PRAG1: variants seen among roughly 807,000 people sequenced by gnomAD.
The protein encoded by PRAG1 is inactive tyrosine-protein kinase PRAG1.
PRAG1 carries 110 observed loss-of-function variants against 95.6 expected under a neutral mutation model. The ratio of observed to expected loss-of-function variants is 1.15; its 90% CI spans 0.99 to 1.35. The LOEUF (loss-of-function observed/expected upper bound fraction) is 1.35. Among genes scored for constraint, PRAG1 ranks in the 40% most tolerant of loss-of-function variants. The pLI is 0.00. For missense variants in PRAG1, 2,554 were observed against 1,864.7 expected, an observed-to-expected ratio of 1.37 and a Z score of -6.81; for synonymous variants, 1,052 against 819.4, an observed-to-expected ratio of 1.28 and a Z score of -4.85.
chr8:8,372,057 C>A (rs62496032), intron 3 of PRAG1, among the ~76,000 whole-genome samples: 6,526 of 152,276 alleles, frequency 0.043, 196 homozygotes, highest in Non-Finnish European at 0.066. Flanking sequence ...CTTGGTGAAA[C>A]GCTTATCTGC....
chr8:8,337,529 G>C (rs758643102), intron 4 of PRAG1, among the ~76,000 whole-genome samples: 19 of 152,118 alleles, frequency 1.2e-4, no homozygotes, highest in Admixed American at 5.9e-4. Flanking sequence ...TTGGTCTCTT[G>C]CCAGTTTCAA....
intron 3 of PRAG1, among the ~76,000 whole-genome samples, chr8:8,359,514 C>T (rs1431361183): frequency 1.3e-5 from 2 of 152,144 alleles, no homozygotes; most frequent in Non-Finnish European, 2.9e-5. Context: ...TGATTGATAG[C>T]TCTAAGGTCT....
Position 8,376,382 on chromosome 8 carries a change from G to T in PRAG1, c.2027C>A (p.Pro676His), listed in dbSNP as rs1800390925. ...GTTCTGCCCAGAGGAGCCATCTGTGGGGTGGAGACGGTGCCAGGTCGTGGA... is the reference window on the plus strand; with the variant it reads ...GTTCTGCCCAGAGGAGCCATCTGTGTGGTGGAGACGGTGCCAGGTCGTGGA... Reference protein sequence around the residue: ...SNSTTWHRLHPTDGSSGQNSK... With the variant: ...SNSTTWHRLHHTDGSSGQNSK... The change falls in exon 3 of 6, where the codon CCC becomes CAC. Residue 676 changes from proline (P) to histidine (H), a missense_variant. Physicochemically the swap from Pro to His is moderately conservative, Grantham distance 77 (BLOSUM62 -2). Coordinates refer to ENST00000615670, the MANE Select transcript of PRAG1 (RefSeq NM_001080826.3). 4 of 1,614,072 alleles carry T rather than the reference G, an allele frequency of 2.5e-6. No individual in the cohort carries two copies. In the African/African-American group the frequency reaches 5.3e-5, roughly 22 times the overall value.
chr8:8,330,967 C>T (rs116090351), intron 4 of PRAG1, among the ~76,000 whole-genome samples: 171 of 152,276 alleles, frequency 1.1e-3, no homozygotes, highest in African/African-American at 3.8e-3. Flanking sequence ...GACTGGGAGC[C>T]GTGAGCACAC....
chr8:8,378,869 GATAATTAATA>G (rs1398241967), intron 2 of PRAG1, among the ~76,000 whole-genome samples: 3 of 79,762 alleles, frequency 3.8e-5, no homozygotes, highest in South Asian at 7.6e-4. Context: ...CAAAAATAAT[GATAATTAATA>G]ATAATAATAA....
Position 8,318,578 on chromosome 8 carries a change from T to C in PRAG1, c.3797A>G (p.His1266Arg). The C allele has an allele frequency of 6.2e-7, 1 of 1,613,342 alleles. No homozygotes were observed. The highest frequency in any genetic ancestry group is 8.5e-7 in the Non-Finnish European group (1 of 1,179,896). The change falls in exon 6 of 6, where the codon CAC becomes CGC. Residue 1266 changes from histidine to arginine, a missense_variant. Coordinates refer to ENST00000615670, the MANE Select transcript of PRAG1 (RefSeq NM_001080826.3). This position sits in a 1 kb window ranked among gnomAD's most constrained non-coding sequence, Gnocchi z 4.2. ...QTGILIYELL[H>R]QPNPFEVRAQ... ...GCGCACCTCGAACGGGTTGGGTTGG[T>C]GCAGCAGCTCGTAGATGAGGATGCC...
In PRAG1 at chr8:8,327,847, T is replaced by C. The variant is rs770251251; in HGVS notation, c.2935A>G (p.Lys979Glu). The C allele has an allele frequency of 1.2e-6, 2 of 1,614,112 alleles. No homozygotes were observed. ...KCEDLFMGGQ[K>E]KELHFNENNW... ...TTCTCATTGAAGTGGAGCTCCTTTT[T>C]CTGGCCGCCCATGAAGAGGTCCTCA... The change falls in exon 5 of 6, where the codon AAA becomes GAA. Residue 979 changes from lysine to glutamate, a missense_variant. Coordinates refer to ENST00000615670, the MANE Select transcript of PRAG1 (RefSeq NM_001080826.3).
chr8:8,381,720 CG>C lies in PRAG1; in HGVS notation c.27del (p.Glu10ArgfsTer3). On this transcript the variant is annotated frameshift_variant, in exon 2 of 6. Transcript: ENST00000615670. LOFTEE classifies it high-confidence loss of function. ...CTGCACGCAGACATTTTCAGGCTCT[CG>C]GGGTTCAGGCAGAGGGTCTGGTGCA... MHQTLCLN[P>X]ESLKMSACSD... 1 of 1,601,152 alleles carries C rather than the reference CG, an allele frequency of 6.2e-7. No homozygotes were observed. The highest frequency in any genetic ancestry group is 8.5e-7 in the Non-Finnish European group (1 of 1,170,638).
intron 1 of PRAG1, among the ~76,000 whole-genome samples, chr8:8,384,072 G>T (rs976412754): frequency 6.6e-6 from 1 of 152,142 alleles, no homozygotes; most frequent in African/African-American, 2.4e-5. Context: ...TTGGAAACCA[G>T]CTCTGTGTGG....
Position 8,377,410 on chromosome 8 carries a change from C to T in PRAG1, c.999G>A (p.Glu333=). Residue 333 remains glutamate, a synonymous_variant, in exon 3 of 6, where the codon GAG becomes GAA. Coordinates refer to ENST00000615670, the MANE Select transcript of PRAG1 (RefSeq NM_001080826.3). The stretch of plus-strand genomic sequence containing the variant: ...AGAGGCCGTCGGAAGAAATGGCAGC[C>T]TCCGAGGTGAGGGACAGTTTCTTGG... The part of the protein sequence containing the change: ...LGPKKLSLTS[E]AAISSDGLSC... The T allele has an allele frequency of 6.4e-7, 1 of 1,573,738 alleles. No homozygotes were observed. Among genetic ancestry groups the T allele is most frequent in the Non-Finnish European group, 8.6e-7 (1 of 1,161,306 alleles).
chr8:8,363,112 T>C (rs1006985020), intron 3 of PRAG1, among the ~76,000 whole-genome samples: 6 of 148,582 alleles, frequency 4.0e-5, no homozygotes, highest in Non-Finnish European at 8.9e-5. Context: ...TATATACTTA[T>C]ATATAATATA....
At chr8:8,378,159 G>C in intron 2 of PRAG1, 81 bp from the exon 3 acceptor site, 25 of 1,454,602 alleles carry the variant, frequency 1.7e-5, no homozygotes, top group Non-Finnish European at 2.2e-5. Context: ...GAGAGGGAAG[G>C]GCAACGATAC....
intron 3 of PRAG1, among the ~76,000 whole-genome samples, chr8:8,350,310 A>G (rs1435938264): frequency 6.6e-6 from 1 of 152,114 alleles, no homozygotes; most frequent in African/African-American, 2.4e-5. Context: ...CAGGTAAGAG[A>G]GTGATGAAGA....
At chr8:8,359,489 G>C (rs1481845827) in intron 3 of PRAG1, among the ~76,000 whole-genome samples, 1 of 152,172 alleles carries the variant, frequency 6.6e-6, no homozygotes, top group Non-Finnish European at 1.5e-5. Context: ...AACAGGATGA[G>C]TCGTCTAGAC....
Position 8,339,568 on chromosome 8 carries a change from G to T in PRAG1, c.2230C>A (p.Leu744Ile). The T allele has an allele frequency of 6.2e-7, 1 of 1,614,200 alleles. No individual in the cohort carries two copies. Among genetic ancestry groups the T allele is most frequent in the Non-Finnish European group, 8.5e-7 (1 of 1,180,034 alleles). The part of the protein sequence containing the change: ...EKVSQGSAES[L>I]SPSFRGVHVS... ...TGGACACCCCTGAAGGATGGGCTGA[G>T]GCTTTCTGCAGAGCCCTGGCTCACT... The change falls in exon 4 of 6, where the codon CTC (leucine) becomes ATC (isoleucine). Residue 744 changes from leucine to isoleucine, a missense_variant. Transcript: ENST00000615670.
intron 4 of PRAG1, among the ~76,000 whole-genome samples, chr8:8,336,449 T>C (rs1798986493): frequency 6.6e-6 from 1 of 152,202 alleles, no homozygotes; most frequent in Non-Finnish European, 1.5e-5. Context: ...AAACCAAGCA[T>C]AAACCAAACA....
chr8:8,363,372 C>A (rs75073841), intron 3 of PRAG1, among the ~76,000 whole-genome samples: 3,383 of 152,210 alleles, frequency 0.022, 104 homozygotes, highest in African/African-American at 0.072. Context: ...ATGCAATGGA[C>A]TATCACTCAA....
At chr8:8,378,864 A>G (rs1243251650) in intron 2 of PRAG1, among the ~76,000 whole-genome samples, 1 of 102,940 alleles carries the variant, frequency 9.7e-6, no homozygotes, top group Non-Finnish European at 1.9e-5. Flanking sequence ...TGTACCAAAA[A>G]TAATGATAAT....
intron 2 of PRAG1, among the ~76,000 whole-genome samples, chr8:8,379,366 C>T (rs1023754652): frequency 2.0e-5 from 3 of 152,136 alleles, no homozygotes; most frequent in African/African-American, 7.2e-5. Context: ...CCTCCTTTAC[C>T]CCCACTTTTA....
Sources: gnomAD v4.1 joint callset for allele counts (sites outside exome capture counted in the v4.1 genomes callset) on GRCh38, gnomAD v4.1.1 for gene constraint, Gnocchi (gnomAD v3.1) non-coding constraint, MANE v1.5 for transcripts, NCBI Gene and HGNC (gene_info 2026-07-23, HGNC 2026-07-21) for gene names.